The following RAPH1 variants were observed in gnomAD, a reference collection of about 807,000 sequenced individuals.
RAPH1 encodes the protein Ras association (RalGDS/AF-6) and pleckstrin homology domains 1.
Under a neutral mutation model 88.1 loss-of-function variants are expected in RAPH1, and 18 were observed. That is an observed-to-expected ratio of 0.20 (90% CI 0.14 to 0.30). The LOEUF (loss-of-function observed/expected upper bound fraction) is 0.30. Among genes scored for constraint, RAPH1 ranks in the 10% least tolerant of loss-of-function variants. The probability of loss-of-function intolerance (pLI) is 1.00; values close to 1 mark genes in which losing one functional copy is unlikely to be tolerated. For synonymous variants in RAPH1, 587 were observed against 559.0 expected (o/e 1.05, Z -0.71); for missense variants, 1,448 against 1,543.2 (o/e 0.94, Z 1.03).
At chr2:203,490,798 T>C (rs1173224397) in intron 3 of RAPH1, among the ~76,000 whole-genome samples, 2 of 151,992 alleles carry the variant, frequency 1.3e-5, no homozygotes, top group Non-Finnish European at 2.9e-5. Flanking sequence ...ATCCCAGCAC[T>C]TTGGGAGGCT....
intron 4 of RAPH1, among the ~76,000 whole-genome samples, chr2:203,463,944 G>T (rs760771043): frequency 6.6e-6 from 1 of 152,128 alleles, no homozygotes. Context: ...ACTTATATGC[G>T]TTTTTGATGA....
At chr2:203,460,616 A>G (rs1433874002) in intron 6 of RAPH1, among the ~76,000 whole-genome samples, 1 of 152,114 alleles carries the variant, frequency 6.6e-6, no homozygotes, top group African/African-American at 2.4e-5. Context: ...AGTTAACATA[A>G]TAATTTTTAG....
At chr2:203,532,548 T>C (rs571711117) in intron 1 of RAPH1, among the ~76,000 whole-genome samples, 4 of 152,214 alleles carry the variant, frequency 2.6e-5, no homozygotes, top group African/African-American at 4.8e-5. Flanking sequence ...CTGCAGTCTT[T>C]GGGCAACTTA....
intron 1 of RAPH1, among the ~76,000 whole-genome samples, chr2:203,506,265 G>A (rs187385014): frequency 2.1e-4 from 32 of 152,300 alleles, no homozygotes; most frequent in African/African-American, 7.5e-4. Context: ...TAAAGACAGA[G>A]ATGTGTGTAT....
chr2:203,532,639 G>C (rs1247341433), intron 1 of RAPH1, among the ~76,000 whole-genome samples: 2 of 152,120 alleles, frequency 1.3e-5, no homozygotes, highest in African/African-American at 2.4e-5. Flanking sequence ...CACATATAAA[G>C]TGTTTAAAAC....
chr2:203,458,621 C>A (rs1410438469), intron 7 of RAPH1, among the ~76,000 whole-genome samples: 1 of 152,122 alleles, frequency 6.6e-6, no homozygotes, highest in Non-Finnish European at 1.5e-5. Context: ...TGCATGAATT[C>A]AATGCAGTAC....
Position 203,506,887 on chromosome 2 carries a change from T to G in RAPH1, c.1-11534A>C, listed in dbSNP as rs1220464660. ...ATATATATATATATATATAGATATATATATATATATATTTTTTTTTTTTTT... is the reference window on the plus strand; with the variant it reads ...ATATATATATATATATATAGATATAGATATATATATATTTTTTTTTTTTTT... On this transcript the variant is annotated intron_variant, in intron 1 of 13. Transcript: ENST00000319170. Among the ~76,000 whole-genome samples, 271 of 109,968 alleles carry G rather than the reference T, an allele frequency of 2.5e-3. 8 individuals carry two copies. The highest frequency in any genetic ancestry group is 4.2e-3 in the Middle Eastern group (1 of 240). The allele number at this position is 109,968 out of a possible 152,430, so 72.1% of individuals were successfully genotyped here.
At chr2:203,528,824 T>C (rs1283250832) in intron 1 of RAPH1, among the ~76,000 whole-genome samples, 1 of 151,622 alleles carries the variant, frequency 6.6e-6, no homozygotes, top group Non-Finnish European at 1.5e-5. Context: ...CCAATGTCAT[T>C]TGTTACAATA....
In RAPH1 at chr2:203,436,894, G is replaced by T. The variant is rs1206295456; in HGVS notation, c.*2543C>A. 6.6e-6 allele frequency: 1 copy of T among 152,168 alleles called. No individual in the cohort carries two copies. The highest frequency in any genetic ancestry group is 6.5e-5 in the Admixed American group (1 of 15,274). The allele number at this position is 152,168 out of a possible 1,614,324, so 9.4% of individuals were successfully genotyped here. A position where few individuals can be genotyped will look rare whatever the true frequency, so the allele number is the denominator to read the frequency against. On this transcript the variant is annotated 3_prime_UTR_variant, in exon 14 of 14. Transcript: ENST00000319170. ...CTAGGGAGTAAAACAGAAGTATAAA[G>T]TATCACTTTAGTGGTTTTTTAAATT...
intron 4 of RAPH1, among the ~76,000 whole-genome samples, chr2:203,472,971 T>TA: frequency 6.6e-6 from 1 of 152,314 alleles, no homozygotes; most frequent in South Asian, 2.1e-4. Context: ...AAAAAGAGGG[T>TA]AATCATTATG....
chr2:203,525,379 C>T (rs1394873391), intron 1 of RAPH1, among the ~76,000 whole-genome samples: 1 of 151,270 alleles, frequency 6.6e-6, no homozygotes, highest in Non-Finnish European at 1.5e-5. Context: ...TGGGGTTTCA[C>T]CATGTTGGTC....
At position 203,440,983 on chromosome 2, in the gene RAPH1, G is replaced by T; in HGVS notation, c.2207C>A (p.Ser736Tyr). Residue 736 changes from serine (S) to tyrosine (Y), a missense_variant, in exon 14 of 14, where the codon TCC becomes TAC. By Grantham distance (144) the Ser-to-Tyr change is moderately radical. Coordinates refer to ENST00000319170, the MANE Select transcript of RAPH1 (RefSeq NM_213589.3). ...AGGCGGGGCACTGAACTGTGGAAGG[G>T]ATGGGGCACACGGTGCAGGCTTTAG... ...AQLKPAPCAP[S>Y]LPQFSAPPPP... The T allele has an allele frequency of 1.3e-6, 2 of 1,577,182 alleles. No homozygotes were observed. The highest frequency in any genetic ancestry group is 1.7e-6 in the Non-Finnish European group (2 of 1,164,732).
At chr2:203,527,483 C>T (rs897386479) in intron 1 of RAPH1, among the ~76,000 whole-genome samples, 6 of 152,158 alleles carry the variant, frequency 3.9e-5, no homozygotes, top group African/African-American at 1.2e-4. Context: ...ATATTCTCAA[C>T]AGTAAATGAT....
In RAPH1 at chr2:203,457,255, T is replaced by C. The variant is rs1183447361; in HGVS notation, c.1158+275A>G. Among the ~76,000 whole-genome samples the C allele has an allele frequency of 5.3e-5, 8 of 152,140 alleles. No homozygotes were observed. In the East Asian group the frequency reaches 1.5e-3, roughly 29 times the overall value. On this transcript the variant is annotated intron_variant, in intron 8 of 13. Coordinates refer to ENST00000319170, the MANE Select transcript of RAPH1 (RefSeq NM_213589.3). Reference sequence around the variant, plus strand: ...TAGGCTGGAATGCAGTGGTGCAATCTCGGCTCGCTGCAACCTCCGCATCCC... The same window carrying C: ...TAGGCTGGAATGCAGTGGTGCAATCCCGGCTCGCTGCAACCTCCGCATCCC...
At chr2:203,521,712 T>C (rs1170615817) in intron 1 of RAPH1, among the ~76,000 whole-genome samples, 5 of 152,012 alleles carry the variant, frequency 3.3e-5, no homozygotes, top group Admixed American at 6.6e-5. Context: ...TTAAACAACA[T>C]GGAAGCATAA....
intron 1 of RAPH1, among the ~76,000 whole-genome samples, chr2:203,506,431 AG>A (rs1688999612): frequency 6.6e-6 from 1 of 151,970 alleles, no homozygotes; most frequent in Admixed American, 6.6e-5. Flanking sequence ...AGGGCAGGGC[AG>A]GGAAAAAAAA....
intron 4 of RAPH1, among the ~76,000 whole-genome samples, chr2:203,482,155 C>A (rs1021369768): frequency 1.3e-5 from 2 of 152,092 alleles, no homozygotes; most frequent in Non-Finnish European, 2.9e-5. Context: ...AATCTTCAGC[C>A]TCTTTTTTCA....
At position 203,448,614 on chromosome 2, in the gene RAPH1, C is replaced by A; in HGVS notation, c.1512+124G>T. On this transcript the variant is annotated intron_variant, in intron 11 of 13. Transcript: ENST00000319170. The surrounding 1 kb of genome is among the most constrained non-coding windows in gnomAD (Gnocchi z 4.1). ...AACATTTAAAACTTGAAACTTAGGC[C>A]TGAAAAACGTAGGCACTGGCAAATC... 1 of 546,324 alleles carries A rather than the reference C, an allele frequency of 1.8e-6. No individual in the cohort carries two copies. Among genetic ancestry groups the A allele is most frequent in the Non-Finnish European group, 3.1e-6 (1 of 319,092 alleles). 33.8% of individuals were successfully genotyped at this position (546,324 alleles called of 1,614,324 possible). A position where few individuals can be genotyped will look rare whatever the true frequency, so the allele number is the denominator to read the frequency against.
At chr2:203,520,082 C>T (rs1313971549) in intron 1 of RAPH1, among the ~76,000 whole-genome samples, 1 of 152,078 alleles carries the variant, frequency 6.6e-6, no homozygotes, top group African/African-American at 2.4e-5. Flanking sequence ...AATCCTAGCA[C>T]TTTGGGAGGC....
Sources: allele counts gnomAD v4.1 joint callset (sites outside exome capture counted in the v4.1 genomes callset), GRCh38; gene constraint gnomAD v4.1.1; non-coding constraint Gnocchi (gnomAD v3.1); transcripts MANE v1.5; gene names NCBI Gene and HGNC (gene_info 2026-07-23, HGNC 2026-07-21).